The following RLN2 variants were observed in gnomAD, a reference collection of about 807,000 sequenced individuals.
RLN2 encodes prorelaxin H2.
A neutral mutation model predicts 7.3 loss-of-function variants in RLN2; 10 were observed. The observed-to-expected ratio is 1.36, with a 90% confidence interval of 0.84 to 2.31. The LOEUF is 2.31. Among genes scored for constraint, RLN2 ranks in the 30% most tolerant of loss-of-function variants. The pLI is 0.00. For synonymous variants in RLN2, 103 were observed against 82.3 expected (o/e 1.25, Z -1.36); for missense variants, 298 against 217.6 (o/e 1.37, Z -2.32).
the RLN2 span, among the ~76,000 whole-genome samples, chr9:5,328,313 T>G: frequency 6.6e-6 from 1 of 152,016 alleles, no homozygotes; most frequent in Non-Finnish European, 1.5e-5. Flanking sequence ...AGGATATCAG[T>G]GATTGAAGAT....
chr9:5,305,921 C>T (rs2130995270), upstream of RLN2, among the ~76,000 whole-genome samples: 1 of 152,004 alleles, frequency 6.6e-6, no homozygotes, highest in East Asian at 1.9e-4. Context: ...TGGTCAGATG[C>T]AATCAATGCT....
At chr9:5,318,069 G>A in the RLN2 span, among the ~76,000 whole-genome samples, 15 of 151,048 alleles carry the variant, frequency 9.9e-5, no homozygotes, top group East Asian at 2.0e-4. Context: ...ACAGGGTTTC[G>A]CCACATTGGC....
the RLN2 span, among the ~76,000 whole-genome samples, chr9:5,316,933 A>G: frequency 6.6e-6 from 1 of 152,100 alleles, no homozygotes; most frequent in Admixed American, 6.5e-5. Flanking sequence ...AAATTGTGAA[A>G]TCAAAAATAT....
the RLN2 span, among the ~76,000 whole-genome samples, chr9:5,325,923 T>C: frequency 1.1e-3 from 163 of 152,198 alleles, 2 homozygotes; most frequent in Admixed American, 1.9e-3. Context: ...TTCTCTGTTG[T>C]AAAATCCATG....
chr9:5,300,567 A>G lies in RLN2; in HGVS notation c.212-123T>C, dbSNP rs1009443995. ...CTCAGTATAAATTAAACATTGAAAC[A>G]AAATAAGCAAGCATCCTAATATCTA... On this transcript the variant is annotated intron_variant, in intron 1 of 1. Transcript: ENST00000381627. 6 of 658,586 alleles carry G rather than the reference A, an allele frequency of 9.1e-6. No individual in the cohort carries two copies. The African/African-American group carries it at 1.1e-4, about 12-fold the overall frequency. The allele number at this position is 658,586 out of a possible 1,614,324, so 40.8% of individuals were successfully genotyped here. A position where few individuals can be genotyped will look rare whatever the true frequency, so the allele number is the denominator to read the frequency against.
chr9:5,333,906 T>C, the RLN2 span, among the ~76,000 whole-genome samples: 1 of 151,872 alleles, frequency 6.6e-6, no homozygotes, highest in African/African-American at 2.4e-5. Flanking sequence ...TAAACAGAAC[T>C]AAAGACAAAA....
the RLN2 span, among the ~76,000 whole-genome samples, chr9:5,330,896 T>C: frequency 3.3e-5 from 5 of 150,706 alleles, 1 homozygote; most frequent in East Asian, 3.9e-4. Context: ...AGAGATGCAA[T>C]GAAAAATGAT....
rs765197196 is a variant in RLN2 at position 5,304,376 on chromosome 9, C to G, written c.205G>C (p.Val69Leu). 7 of 1,596,442 alleles carry G rather than the reference C, an allele frequency of 4.4e-6. No individual in the cohort carries two copies. Among genetic ancestry groups the G allele is most frequent in the Non-Finnish European group, 5.1e-6 (6 of 1,172,592 alleles). The change falls in exon 1 of 2, where the codon GTG (valine) becomes CTG (leucine). Residue 69 changes from valine to leucine, a missense_variant. Transcript: ENST00000381627. ...QEDAPQTPRP[V>L]AEIVPSFINK... Reference sequence around the variant, plus strand: ...AGGGGGCGGGAGCTCTCACCTGCCACTGGTCTAGGTGTCTGAGGAGCATCT... The same window carrying G: ...AGGGGGCGGGAGCTCTCACCTGCCAGTGGTCTAGGTGTCTGAGGAGCATCT...
chr9:5,304,697 C>T lies in RLN2; in HGVS notation c.-117G>A, dbSNP rs1816210456. 15 of 1,025,646 alleles carry T rather than the reference C, an allele frequency of 1.5e-5. No individual in the cohort carries two copies. Among genetic ancestry groups the T allele is most frequent in the Non-Finnish European group, 2.2e-5 (15 of 679,554 alleles). 63.5% of individuals were successfully genotyped at this position (1,025,646 alleles called of 1,614,324 possible). A position where few individuals can be genotyped will look rare whatever the true frequency, so the allele number is the denominator to read the frequency against. On this transcript the variant is annotated 5_prime_UTR_variant, in exon 1 of 2. Transcript: ENST00000381627. ...CCGGGCTTTAGGCTGCTTTCCCTACCCGGCTCAAGCGGTCTTTTGTATCCC... is the reference window on the plus strand; with the variant it reads ...CCGGGCTTTAGGCTGCTTTCCCTACTCGGCTCAAGCGGTCTTTTGTATCCC...
At chr9:5,324,377 T>C in the RLN2 span, among the ~76,000 whole-genome samples, 1 of 152,012 alleles carries the variant, frequency 6.6e-6, no homozygotes, top group Non-Finnish European at 1.5e-5. Flanking sequence ...GTGGGGTGCA[T>C]AACTGAAAAT....
chr9:5,321,271 GC>G, the RLN2 span, among the ~76,000 whole-genome samples: 1 of 152,054 alleles, frequency 6.6e-6, no homozygotes, highest in African/African-American at 2.4e-5. Context: ...TAGAAAATGA[GC>G]TCATGGACTT....
At chr9:5,310,593 C>A in the RLN2 span, among the ~76,000 whole-genome samples, 13 of 151,966 alleles carry the variant, frequency 8.6e-5, no homozygotes, top group Non-Finnish European at 1.8e-4. Context: ...AATATTATTA[C>A]CTTTTCTCTC....
chr9:5,325,598 A>G, the RLN2 span, among the ~76,000 whole-genome samples: 12 of 152,186 alleles, frequency 7.9e-5, no homozygotes, highest in African/African-American at 2.7e-4. Context: ...ACAGATGAAC[A>G]GGAAGACTTG....
chr9:5,332,526 T>C, the RLN2 span, among the ~76,000 whole-genome samples: 5 of 151,914 alleles, frequency 3.3e-5, no homozygotes, highest in East Asian at 1.9e-4. Flanking sequence ...GAAGGTGGCA[T>C]TGGATAATTT....
upstream of RLN2, chr9:5,304,940 T>G (rs931574902): frequency 9.1e-5 from 20 of 220,738 alleles, no homozygotes; most frequent in African/African-American, 4.4e-4. Context: ...TATGAAGCCT[T>G]TCCTTTTACA....
At chr9:5,331,667 G>C in the RLN2 span, among the ~76,000 whole-genome samples, 7,387 of 151,118 alleles carry the variant, frequency 0.049, 662 homozygotes, top group African/African-American at 0.17. Flanking sequence ...GGGCATCTAG[G>C]GGGGTGGGGG....
rs755812035 is a variant in RLN2, at chr9:5,304,574, G to A, written c.7C>T (p.Arg3Cys). 1 of 1,613,648 alleles carries A rather than the reference G, an allele frequency of 6.2e-7. No homozygotes were observed. Among genetic ancestry groups the A allele is most frequent in the Non-Finnish European group, 8.5e-7 (1 of 1,179,792 alleles). The change falls in exon 1 of 2, where the codon CGC (arginine) becomes TGC (cysteine). Residue 3 changes from arginine to cysteine, a missense_variant. Coordinates refer to ENST00000381627, the MANE Select transcript of RLN2 (RefSeq NM_134441.3). ...CCTAGCAGGTGGAAAAAAAACAGGC[G>A]AGGCATCCTGGGCCTGGTCTCTCCT... MP[R>C]LFFFHLLGVC...
At chr9:5,319,289 G>A in the RLN2 span, among the ~76,000 whole-genome samples, 1 of 151,950 alleles carries the variant, frequency 6.6e-6, no homozygotes, top group Non-Finnish European at 1.5e-5. Context: ...GATGAACTGA[G>A]GGTGAGCAGG....
chr9:5,320,129 G>A, the RLN2 span, among the ~76,000 whole-genome samples: 3 of 151,400 alleles, frequency 2.0e-5, no homozygotes, highest in Non-Finnish European at 4.4e-5. Flanking sequence ...AGGATTACAG[G>A]CACCTGCCAC....
Sources: allele counts gnomAD v4.1 joint callset (sites outside exome capture counted in the v4.1 genomes callset), GRCh38; gene constraint gnomAD v4.1.1; transcripts MANE v1.5; gene names NCBI Gene and HGNC (gene_info 2026-07-23, HGNC 2026-07-21).